The following PTPRT variants were observed in gnomAD, a reference collection of about 807,000 sequenced individuals.
PTPRT encodes the protein receptor-type tyrosine-protein phosphatase T.
A neutral mutation model predicts 176.8 loss-of-function variants in PTPRT; 56 were observed. The ratio of observed to expected loss-of-function variants is 0.32; its 90% confidence interval spans 0.26 to 0.40. The LOEUF is 0.40. PTPRT is among the 10% of genes least tolerant of loss of function. The pLI is 1.00. For missense variants in PTPRT, 1,540 were observed against 1,908.2 expected (o/e 0.81, Z 3.60); for synonymous variants, 783 against 739.0 (o/e 1.06, Z -0.96).
At chr20:43,014,189 G>A (rs1192737005) in intron 1 of PTPRT, among the ~76,000 whole-genome samples, 1 of 152,076 alleles carries the variant, frequency 6.6e-6, no homozygotes. Flanking sequence ...GTAACCACAT[G>A]GCACTTCCCT....
intron 1 of PTPRT, among the ~76,000 whole-genome samples, chr20:43,057,886 G>A (rs1008197997): frequency 3.9e-5 from 6 of 152,190 alleles, no homozygotes; most frequent in African/African-American, 1.4e-4. Context: ...GACTATAAAT[G>A]CCTGGAGGTC....
intron 1 of PTPRT, among the ~76,000 whole-genome samples, chr20:43,160,630 T>G (rs1023611067): frequency 1.3e-5 from 2 of 152,158 alleles, no homozygotes; most frequent in Non-Finnish European, 2.9e-5. Flanking sequence ...CAGGTAAGCC[T>G]ACACTTACCC....
rs543496436 is a variant in PTPRT, at chr20:42,408,508, G to A, written c.1560+39712C>T. On this transcript the variant is annotated intron_variant, in intron 9 of 30. Coordinates refer to ENST00000373187, the MANE Select transcript of PTPRT (RefSeq NM_007050.6). ...TCTGCTGGCAACAAAATTAGGGCATGCAGTCAGGGAATCTACAAGGCATAT... is the reference window on the plus strand; with the variant it reads ...TCTGCTGGCAACAAAATTAGGGCATACAGTCAGGGAATCTACAAGGCATAT... 5.3e-5 allele frequency among the ~76,000 whole-genome samples: 8 copies of A among 152,076 alleles called. No homozygotes were observed. The East Asian group carries it at 9.7e-4, about 18-fold the overall frequency.
intron 6 of PTPRT, among the ~76,000 whole-genome samples, chr20:42,747,326 C>A (rs1166468846): frequency 3.3e-5 from 5 of 152,080 alleles, no homozygotes; most frequent in Non-Finnish European, 7.4e-5. Context: ...ATGTTTAAGC[C>A]CCTTCTATAT....
intron 1 of PTPRT, among the ~76,000 whole-genome samples, chr20:43,148,333 A>C (rs909186176): frequency 5.3e-5 from 8 of 152,042 alleles, no homozygotes; most frequent in African/African-American, 1.9e-4. Context: ...CCATCTCAAT[A>C]ATGTCTCCCT....
At chr20:42,785,968 G>A (rs1381144961) in intron 3 of PTPRT, among the ~76,000 whole-genome samples, 10 of 152,160 alleles carry the variant, frequency 6.6e-5, no homozygotes, top group South Asian at 2.1e-4. Context: ...AGAGACGAAC[G>A]TGGTGGGAGG....
chr20:42,448,345 G>A lies in PTPRT; in HGVS notation c.1451-16C>T. 6.3e-7 allele frequency: 1 copy of A among 1,576,206 alleles called. No homozygotes were observed. The highest frequency in any genetic ancestry group is 8.7e-7 in the Non-Finnish European group (1 of 1,145,730). ...GCTCCTGGAACTACAGAATGGAAAA[G>A]TTATGAACTTGATGTCACCTTCCAC... On this transcript the variant is annotated splice_polypyrimidine_tract_variant and intron_variant, in intron 8 of 30. Coordinates refer to ENST00000373187, the MANE Select transcript of PTPRT (RefSeq NM_007050.6).
intron 7 of PTPRT, among the ~76,000 whole-genome samples, chr20:42,572,751 A>C (rs1480263196): frequency 2.0e-5 from 3 of 152,150 alleles, no homozygotes; most frequent in Non-Finnish European, 4.4e-5. Context: ...TGCACATAGC[A>C]CAATCTCTAT....
intron 16 of PTPRT, among the ~76,000 whole-genome samples, chr20:42,180,863 T>C (rs935517250): frequency 3.9e-5 from 6 of 152,218 alleles, no homozygotes; most frequent in African/African-American, 1.4e-4. Flanking sequence ...GAGTACATTA[T>C]AGTAGTAGGA....
intron 1 of PTPRT, among the ~76,000 whole-genome samples, chr20:43,081,412 A>G (rs1224553982): frequency 1.3e-5 from 2 of 152,218 alleles, no homozygotes; most frequent in East Asian, 3.8e-4. Context: ...TTTCACAGCT[A>G]TACATTTGTT....
chr20:42,791,092 T>G, intron 3 of PTPRT, 103 bp downstream of exon 3: 2 of 1,390,386 alleles, frequency 1.4e-6, no homozygotes, highest in Admixed American at 2.4e-5. Flanking sequence ...TAAACACGAG[T>G]GAATAAATGA....
intron 4 of PTPRT, among the ~76,000 whole-genome samples, chr20:42,775,165 C>G (rs982760025): frequency 1.3e-5 from 2 of 152,204 alleles, no homozygotes; most frequent in African/African-American, 4.8e-5. Context: ...ATGGGCTTAA[C>G]AGAAGACTGG....
At chr20:42,306,685 G>A (rs760448579) in intron 12 of PTPRT, among the ~76,000 whole-genome samples, 25 of 152,276 alleles carry the variant, frequency 1.6e-4, no homozygotes, top group Admixed American at 7.8e-4. Context: ...CTCAGCTACC[G>A]ATGGGTGGTA....
chr20:42,361,650 G>A (rs1406262222), intron 9 of PTPRT, among the ~76,000 whole-genome samples: 1 of 150,982 alleles, frequency 6.6e-6, no homozygotes, highest in African/African-American at 2.4e-5. Flanking sequence ...TAGATTGACA[G>A]CCCCAGCTGA....
chr20:43,058,771 CATAAT>C (rs1486879441), intron 1 of PTPRT, among the ~76,000 whole-genome samples: 2 of 152,166 alleles, frequency 1.3e-5, no homozygotes, highest in Non-Finnish European at 2.9e-5. Flanking sequence ...TTCAGTACAA[CATAAT>C]ATAATGTGAA....
At position 42,563,692 on chromosome 20, in the gene PTPRT, T is replaced by A. The variant is rs754514010; in HGVS notation, c.1154-91130A>T. On this transcript the variant is annotated intron_variant, in intron 7 of 30. Coordinates refer to ENST00000373187, the MANE Select transcript of PTPRT (RefSeq NM_007050.6). The stretch of plus-strand genomic sequence containing the variant: ...TAAGGTGATTGGATAAATATGTCTT[T>A]ATCATGGAGAGCTGTTCATATCCTT... 9.2e-5 allele frequency among the ~76,000 whole-genome samples: 14 copies of A among 152,216 alleles called. 1 individual carries two copies. Among genetic ancestry groups the A allele is most frequent in the Non-Finnish European group, 1.8e-4 (12 of 68,036 alleles).
chr20:42,804,738 G>C (rs1014829296), intron 2 of PTPRT, among the ~76,000 whole-genome samples: 1 of 152,178 alleles, frequency 6.6e-6, no homozygotes, highest in African/African-American at 2.4e-5. Flanking sequence ...GCTTCTGGTG[G>C]TTTGCTGGCG....
rs530099369 is a variant in PTPRT, at chr20:42,556,117, G to A, written c.1154-83555C>T. 9.2e-5 allele frequency among the ~76,000 whole-genome samples: 14 copies of A among 152,256 alleles called. No homozygotes were observed. The East Asian group carries it at 1.2e-3, about 13-fold the overall frequency. On this transcript the variant is annotated intron_variant, in intron 7 of 30. Transcript: ENST00000373187. The stretch of plus-strand genomic sequence containing the variant: ...CTCTATTGAAAATCTTTCTCTCTGC[G>A]TTTGTTCACACTATCTCCTCAGGCA...
intron 7 of PTPRT, among the ~76,000 whole-genome samples, chr20:42,593,044 G>T (rs1039153112): frequency 2.6e-5 from 4 of 152,138 alleles, no homozygotes; most frequent in Non-Finnish European, 5.9e-5. Context: ...AAAGAGCTGG[G>T]GAATCTTCCG....
Sources: gnomAD v4.1 joint callset for allele counts (sites outside exome capture counted in the v4.1 genomes callset) on GRCh38, gnomAD v4.1.1 for gene constraint, MANE v1.5 for transcripts, NCBI Gene and HGNC (gene_info 2026-07-23, HGNC 2026-07-21) for gene names.